Variants in GPD1L observed in about 807,000 individuals in gnomAD.
The protein encoded by GPD1L is glycerol-3-phosphate dehydrogenase 1 like.
Under a neutral mutation model 32.9 loss-of-function variants are expected in GPD1L, and 17 were observed. The observed-to-expected ratio is 0.52, with a 90% CI of 0.35 to 0.78. The LOEUF (loss-of-function observed/expected upper bound fraction) is 0.78, where lower values mean the gene tolerates loss of function less well. Ranked by LOEUF, GPD1L falls within the 30% of genes least tolerant of loss-of-function variation. GPD1L has a pLI of 0.01. For missense variants in GPD1L, 361 were observed against 447.8 expected (o/e 0.81, Z 1.75); for synonymous variants, 187 against 165.9 (o/e 1.13, Z -0.98).
At chr3:32,119,688 T>TC (rs763217024) in intron 1 of GPD1L, among the ~76,000 whole-genome samples, 2 of 152,236 alleles carry the variant, frequency 1.3e-5, no homozygotes, top group Non-Finnish European at 2.9e-5. Context: ...ATAGTGGTTC[T>TC]CCCTGGGTGG....
rs1413442495 is a variant in GPD1L at position 32,167,359 on chromosome 3, A to G, written c.*1449A>G. On this transcript the variant is annotated 3_prime_UTR_variant, in exon 8 of 8. Transcript: ENST00000282541. The stretch of plus-strand genomic sequence containing the variant: ...GGAAACTTGCTGGAGTTTTCAGGGA[A>G]CACTGTTCTAGGCTTAGGTGACCTT... The G allele has an allele frequency of 6.6e-6, 1 of 152,494 alleles. No homozygotes were observed. Among genetic ancestry groups the G allele is most frequent in the African/African-American group, 2.4e-5 (1 of 41,442 alleles). 9.4% of individuals were successfully genotyped at this position (152,494 alleles called of 1,614,324 possible).
At chr3:32,129,987 C>T (rs1700562264) in intron 2 of GPD1L, among the ~76,000 whole-genome samples, 1 of 152,174 alleles carries the variant, frequency 6.6e-6, no homozygotes, top group Non-Finnish European at 1.5e-5. Flanking sequence ...CTGTCTACCT[C>T]CACGTGCCCT....
At chr3:32,117,263 T>G (rs989892564) in intron 1 of GPD1L, among the ~76,000 whole-genome samples, 15 of 152,358 alleles carry the variant, frequency 9.8e-5, no homozygotes, top group Non-Finnish European at 1.9e-4. Flanking sequence ...AGCCTTATAC[T>G]GAACCATCTG....
At position 32,158,894 on chromosome 3, in the gene GPD1L, G is replaced by A. The variant is rs1701034280; in HGVS notation, c.637G>A (p.Ala213Thr). The A allele has an allele frequency of 6.2e-7, 1 of 1,613,948 alleles. No homozygotes were observed. The highest frequency in any genetic ancestry group is 1.7e-5 in the Admixed American group (1 of 60,010). ...GALKNIVAVG[A>T]GFCDGLRCGD... The stretch of plus-strand genomic sequence containing the variant: ...TTTGCAGAACATCGTAGCTGTGGGA[G>A]CTGGGTTCTGCGACGGCCTCCGCTG... Residue 213 changes from alanine to threonine, a missense_variant, in exon 6 of 8, where the codon GCT (alanine) becomes ACT (threonine). Physicochemically the swap from Ala to Thr is moderately conservative, Grantham distance 58 (BLOSUM62 0). Transcript: ENST00000282541.
At chr3:32,125,332 G>T (rs1274205108) in intron 1 of GPD1L, among the ~76,000 whole-genome samples, 1 of 152,202 alleles carries the variant, frequency 6.6e-6, no homozygotes, top group South Asian at 2.1e-4. Context: ...AAAATAACAA[G>T]CATTTATGAT....
chr3:32,159,110 G>A lies in GPD1L; in HGVS notation c.852+1G>A. 6.2e-7 allele frequency: 1 copy of A among 1,611,062 alleles called. No individual in the cohort carries two copies. The highest frequency in any genetic ancestry group is 8.5e-7 in the Non-Finnish European group (1 of 1,177,750). ...CGAGGCCTTCGCCAGAACTGGGAAG[G>A]TAGCCCCTCACCTGCTCTCCCGCAC... On this transcript the variant is annotated splice_donor_variant, in intron 6 of 7. Coordinates refer to ENST00000282541, the MANE Select transcript of GPD1L (RefSeq NM_015141.4). LOFTEE classifies it high-confidence loss of function.
chr3:32,146,519 T>A, intron 4 of GPD1L, 103 bp from the exon 5 acceptor site: 1 of 760,212 alleles, frequency 1.3e-6, no homozygotes, highest in Non-Finnish European at 2.4e-6. Flanking sequence ...ATCATGAACA[T>A]GTTACTTTTA....
rs536416640 is a variant in GPD1L, at chr3:32,161,672, G to A, written c.959+1998G>A. On this transcript the variant is annotated intron_variant, in intron 7 of 7. Transcript: ENST00000282541. ...CCAGGGGGACATGGACTAGAATTGC[G>A]ATTCTGGGGCCAGTAGCTCCCTGTT... is the stretch of plus-strand genomic sequence containing the variant. Among the ~76,000 whole-genome samples, 7 of 152,292 alleles carry A rather than the reference G, an allele frequency of 4.6e-5. No homozygotes were observed. The South Asian group carries it at 1.2e-3, about 27-fold the overall frequency.
intron 5 of GPD1L, 126 bp downstream of exon 5, chr3:32,146,860 C>T (rs1700838338): frequency 1.3e-6 from 1 of 743,450 alleles, no homozygotes; most frequent in East Asian, 2.5e-5. Flanking sequence ...AATTGAGAGT[C>T]TTGTTTATAA....
At chr3:32,109,055 TA>T (rs1490614272) in intron 1 of GPD1L, among the ~76,000 whole-genome samples, 2 of 152,168 alleles carry the variant, frequency 1.3e-5, no homozygotes, top group African/African-American at 4.8e-5. Context: ...TTCACCATGT[TA>T]GCCAGGATGG....
At chr3:32,146,402 T>A (rs761291091) in intron 4 of GPD1L, among the ~76,000 whole-genome samples, 3 of 152,124 alleles carry the variant, frequency 2.0e-5, no homozygotes, top group Non-Finnish European at 4.4e-5. Flanking sequence ...AACTTTAGAT[T>A]CACATTCGGT....
At chr3:32,115,919 C>G (rs1700327749) in intron 1 of GPD1L, among the ~76,000 whole-genome samples, 3 of 151,594 alleles carry the variant, frequency 2.0e-5, no homozygotes, top group Admixed American at 2.0e-4. Context: ...CTCCGAGTAG[C>G]TGGGACTGCA....
At chr3:32,124,759 C>G (rs368817132) in intron 1 of GPD1L, among the ~76,000 whole-genome samples, 1 of 151,904 alleles carries the variant, frequency 6.6e-6, no homozygotes, top group African/African-American at 2.4e-5. Context: ...GATTTCATCT[C>G]TACAAAAACT....
rs1029165496 is a variant in GPD1L at position 32,159,203 on chromosome 3, C to A, written c.852+94C>A. 6.6e-6 allele frequency: 6 copies of A among 911,660 alleles called. No individual in the cohort carries two copies. In the African/African-American group the frequency reaches 8.2e-5, roughly 12 times the overall value. The allele number at this position is 911,660 out of a possible 1,614,324, so 56.5% of individuals were successfully genotyped here. ...CAGCCCAGTGGAGATTTCATGCCAG[C>A]ATCTATTTGCTGGGATTGTTCCGTT... On this transcript the variant is annotated intron_variant, in intron 6 of 7. Coordinates refer to ENST00000282541, the MANE Select transcript of GPD1L (RefSeq NM_015141.4).
intron 1 of GPD1L, among the ~76,000 whole-genome samples, chr3:32,116,531 T>C (rs1014505508): frequency 1.3e-5 from 2 of 152,094 alleles, no homozygotes; most frequent in African/African-American, 4.8e-5. Flanking sequence ...GAGTTTTGTG[T>C]TGAGAAGGAT....
intron 1 of GPD1L, among the ~76,000 whole-genome samples, chr3:32,114,456 A>C (rs1489702145): frequency 1.3e-5 from 2 of 152,346 alleles, no homozygotes; most frequent in East Asian, 3.9e-4. Flanking sequence ...TAGCTGACAT[A>C]CAATTTTATA....
intron 5 of GPD1L, among the ~76,000 whole-genome samples, chr3:32,156,548 G>C (rs944557092): frequency 7.2e-5 from 11 of 152,194 alleles, no homozygotes; most frequent in African/African-American, 2.2e-4. Context: ...CCGTGGGAGA[G>C]GGCAAGAGAG....
chr3:32,116,310 CT>C (rs1158627720), intron 1 of GPD1L, among the ~76,000 whole-genome samples: 1 of 152,210 alleles, frequency 6.6e-6, no homozygotes, highest in Non-Finnish European at 1.5e-5. Flanking sequence ...TCACATTTGT[CT>C]TCAACTGTGG....
At position 32,121,469 on chromosome 3, in the gene GPD1L, CTCTCTA is replaced by C. The variant is rs1370241654; in HGVS notation, c.48-6605_48-6600del. Among the ~76,000 whole-genome samples the C allele has an allele frequency of 3.0e-4, 37 of 121,650 alleles. 2 individuals carry two copies. Among genetic ancestry groups the C allele is most frequent in the Non-Finnish European group, 5.3e-4 (30 of 56,416 alleles). The allele number at this position is 121,650 out of a possible 152,430, so 79.8% of individuals were successfully genotyped here. A position where few individuals can be genotyped will look rare whatever the true frequency, so the allele number is the denominator to read the frequency against. ...TATATATTTCTCTCTATATATATTTCTCTCTATATATATTTCTCTCTATATATATTT... is the reference window on the plus strand; with the variant it reads ...TATATATTTCTCTCTATATATATTTCTATATATTTCTCTCTATATATATTT... On this transcript the variant is annotated intron_variant, in intron 1 of 7. Transcript: ENST00000282541.
Sources: gnomAD v4.1 joint callset for allele counts (sites outside exome capture counted in the v4.1 genomes callset) on GRCh38, gnomAD v4.1.1 for gene constraint, MANE v1.5 for transcripts, NCBI Gene and HGNC (gene_info 2026-07-23, HGNC 2026-07-21) for gene names.